The following FOXM1 variants were observed in gnomAD, a reference collection of about 807,000 sequenced individuals.
The protein encoded by FOXM1 is forkhead box protein M1.
Under a neutral mutation model 63.6 loss-of-function variants are expected in FOXM1, and 25 were observed. The observed-to-expected ratio is 0.39, with a 90% CI of 0.29 to 0.55. The LOEUF is 0.55. Among genes scored for constraint, FOXM1 ranks in the 20% least tolerant of loss-of-function variants. The pLI is 0.60. For synonymous variants in FOXM1, 387 were observed against 376.9 expected, an observed-to-expected ratio of 1.03 and a Z score of -0.31; for missense variants, 879 against 958.7, an observed-to-expected ratio of 0.92 and a Z score of 1.10.
rs903630934 is a variant in FOXM1 at position 2,859,100 on chromosome 12, G to A, written c.1830C>T (p.Ser610=). 26 of 1,606,572 alleles carry A rather than the reference G, an allele frequency of 1.6e-5. No homozygotes were observed. Among genetic ancestry groups the A allele is most frequent in the Non-Finnish European group, 2.2e-5 (26 of 1,177,274 alleles). Residue 610 remains serine, a synonymous_variant, in exon 9 of 9, where the codon TCC becomes TCT. Coordinates refer to ENST00000359843, the MANE Select transcript of FOXM1 (RefSeq NM_021953.4). ...TPIKETLPIS[S]TPSKSVLPRT... Reference sequence around the variant, plus strand: ...TGGGGAGGACAGATTTGCTCGGGGTGGAGGAGATGGGCAGCGTTTCCTTAA... The same window carrying A: ...TGGGGAGGACAGATTTGCTCGGGGTAGAGGAGATGGGCAGCGTTTCCTTAA...
Position 2,874,409 on chromosome 12 carries a change from G to A in FOXM1, c.70C>T (p.Pro24Ser). The change falls in exon 2 of 9, where the codon CCA becomes TCA. Residue 24 changes from proline (P) to serine (S), a missense_variant. Pro to Ser is a moderately conservative substitution (Grantham distance 74). This residue lies in a region of FOXM1 where 255 missense variants were observed against 292.4 expected (regional missense o/e 0.87). Coordinates refer to ENST00000359843, the MANE Select transcript of FOXM1 (RefSeq NM_021953.4). This position sits in a 1 kb window ranked among gnomAD's most constrained non-coding sequence, Gnocchi z 4.3. ...RRLPLPVQNAPSETSEEEPKR... is the reference protein window; with the variant it reads ...RRLPLPVQNASSETSEEEPKR... Reference sequence around the variant, plus strand: ...GGTTCCTCCTCTGATGTTTCACTTGGGGCATTTTGAACAGGAAGGGGCAGC... The same window carrying A: ...GGTTCCTCCTCTGATGTTTCACTTGAGGCATTTTGAACAGGAAGGGGCAGC... The A allele has an allele frequency of 6.2e-7, 1 of 1,614,020 alleles. No individual in the cohort carries two copies. Among genetic ancestry groups the A allele is most frequent in the East Asian group, 2.2e-5 (1 of 44,864 alleles).
intron 4 of FOXM1, among the ~76,000 whole-genome samples, chr12:2,867,064 A>G (rs2098124452): frequency 6.6e-6 from 1 of 152,070 alleles, no homozygotes. Context: ...GAGGCAGGGG[A>G]ATCACTTGAA....
Position 2,868,608 on chromosome 12 carries a change from C to T in FOXM1, c.801G>A (p.Glu267=). Residue 267 remains glutamate (E), a synonymous_variant, in exon 4 of 9, where the codon GAG becomes GAA. Coordinates refer to ENST00000359843, the MANE Select transcript of FOXM1 (RefSeq NM_021953.4). Reference sequence around the variant, plus strand: ...TGTGCTTAAAGTAGGGAAAGTGGTCCTCAATCCACGTATAGATGTCTTTCA... The same window carrying T: ...TGTGCTTAAAGTAGGGAAAGTGGTCTTCAATCCACGTATAGATGTCTTTCA... The part of the protein sequence containing the change: ...MTLKDIYTWI[E]DHFPYFKHIA... 6.2e-7 allele frequency: 1 copy of T among 1,613,598 alleles called. No individual in the cohort carries two copies.
At chr12:2,861,894 G>A (rs940942302) in intron 8 of FOXM1, among the ~76,000 whole-genome samples, 15 of 152,264 alleles carry the variant, frequency 9.9e-5, no homozygotes, top group African/African-American at 3.4e-4. Context: ...TTAGAGACAT[G>A]TAGAGGCTGG....
intron 8 of FOXM1, among the ~76,000 whole-genome samples, chr12:2,860,935 G>A (rs1199455868): frequency 6.6e-6 from 1 of 151,266 alleles, no homozygotes; most frequent in African/African-American, 2.4e-5. Flanking sequence ...TTGGGAGGCC[G>A]AGGTGGGTGG....
At position 2,872,305 on chromosome 12, in the gene FOXM1, TC is replaced by T; in HGVS notation, c.503-59del. 1.3e-6 allele frequency: 2 copies of T among 1,589,556 alleles called. No homozygotes were observed. Among genetic ancestry groups the T allele is most frequent in the Non-Finnish European group, 1.7e-6 (2 of 1,161,214 alleles). ...CTGCCTCATCAGATGCCCAGGTGTG[TC>T]CATCAGAATTGGTGGCTAGCAGGCC... On this transcript the variant is annotated intron_variant, in intron 2 of 8. Transcript: ENST00000359843. The surrounding 1 kb of genome is among the most constrained non-coding windows in gnomAD (Gnocchi z 4.0).
intron 8 of FOXM1, chr12:2,861,463 TAAG>T (rs2098113002): frequency 5.4e-6 from 3 of 556,920 alleles, no homozygotes; most frequent in Non-Finnish European, 6.2e-6. Flanking sequence ...TTTAAAAAAT[TAAG>T]AAGATATAAC....
chr12:2,868,479 G>A, intron 4 of FOXM1, 84 bp downstream of exon 4: 1 of 934,518 alleles, frequency 1.1e-6, no homozygotes, highest in Non-Finnish European at 1.6e-6. Flanking sequence ...CTTAACTGCT[G>A]TCCCAGATAC....
rs748580011 is a variant in FOXM1 at position 2,858,821 on chromosome 12, G to T, written c.2109C>A (p.Gly703=). The part of the protein sequence containing the change: ...SPSDIDVPKP[G]SPEPQVSGLA... ...GGCCAGAAACCTGTGGCTCCGGGGA[G>T]CCTGGCTTGGGGACGTCTATATCTG... The change falls in exon 9 of 9, where the codon GGC becomes GGA. Residue 703 remains glycine, a synonymous_variant. Transcript: ENST00000359843. The T allele has an allele frequency of 6.2e-7, 1 of 1,614,238 alleles. No individual in the cohort carries two copies.
Position 2,858,961 on chromosome 12 carries a change from T to G in FOXM1, c.1969A>C (p.Met657Leu). The G allele has an allele frequency of 1.2e-6, 2 of 1,613,558 alleles. No individual in the cohort carries two copies. Among genetic ancestry groups the G allele is most frequent in the Non-Finnish European group, 1.7e-6 (2 of 1,179,914 alleles). Residue 657 changes from methionine (M) to leucine (L), a missense_variant, in exon 9 of 9, where the codon ATG (methionine) becomes CTG (leucine). Met to Leu is a conservative substitution (Grantham distance 15, BLOSUM62 2). Coordinates refer to ENST00000359843, the MANE Select transcript of FOXM1 (RefSeq NM_021953.4). ...SDPLPDPLGL[M>L]DLSTTPLQSA... ...TGCAAGGGAGTGGTGCTGAGATCCA[T>G]CAGCCCCAGGGGGTCAGGCAAGGGG...
chr12:2,870,998 T>C (rs1459207207), intron 3 of FOXM1, among the ~76,000 whole-genome samples: 2 of 144,884 alleles, frequency 1.4e-5, no homozygotes, highest in African/African-American at 5.2e-5. Flanking sequence ...AGCTAAACAT[T>C]GAGCACACAT....
intron 1 of FOXM1, among the ~76,000 whole-genome samples, chr12:2,875,311 A>G (rs1055870854): frequency 1.3e-5 from 2 of 152,106 alleles, no homozygotes; most frequent in African/African-American, 4.8e-5. Flanking sequence ...TGATTTTTAT[A>G]TTACTTTGTA....
intron 3 of FOXM1, among the ~76,000 whole-genome samples, chr12:2,870,952 C>T (rs2098132109): frequency 1.9e-5 from 2 of 103,462 alleles, no homozygotes; most frequent in East Asian, 2.8e-4. Context: ...AGAAAGACTA[C>T]GTCTCAAAAA....
intron 8 of FOXM1, chr12:2,861,495 C>T (rs1405462988): frequency 4.4e-6 from 2 of 451,056 alleles, no homozygotes; most frequent in Non-Finnish European, 7.6e-6. Flanking sequence ...ATTAGATTGG[C>T]AGATATTAAA....
rs756264779 is a variant in FOXM1, at chr12:2,868,642, C to T, written c.767G>A (p.Arg256His). 6.2e-6 allele frequency: 10 copies of T among 1,613,906 alleles called. No homozygotes were observed. The highest frequency in any genetic ancestry group is 8.5e-6 in the Non-Finnish European group (10 of 1,179,940). Residue 256 changes from arginine (R) to histidine (H), a missense_variant, in exon 4 of 9, where the codon CGC becomes CAC. Arg to His is a conservative substitution (Grantham distance 29). Around this residue, in one of 4 missense-constraint regions of FOXM1, gnomAD observed 62 missense variants for 118.2 expected, o/e 0.52. Transcript: ENST00000359843. ...CGTATAGATGTCTTTCAAAGTCATG[C>T]GCTTCCTCTCAGTGCTGTTGATGGC... The part of the protein sequence containing the change: ...QFAINSTERK[R>H]MTLKDIYTWI...
At chr12:2,862,279 C>T (rs1603499935) in intron 8 of FOXM1, among the ~76,000 whole-genome samples, 2 of 151,686 alleles carry the variant, frequency 1.3e-5, no homozygotes. Context: ...AAATGGCTAT[C>T]GCTATACATG....
Position 2,872,292 on chromosome 12 carries a change from A to G in FOXM1, c.503-45T>C, listed in dbSNP as rs777461507. ...ACACCCCACTTAGCTGCCTCATCAGATGCCCAGGTGTGTCCATCAGAATTG... is the reference window on the plus strand; with the variant it reads ...ACACCCCACTTAGCTGCCTCATCAGGTGCCCAGGTGTGTCCATCAGAATTG... On this transcript the variant is annotated intron_variant, in intron 2 of 8. Coordinates refer to ENST00000359843, the MANE Select transcript of FOXM1 (RefSeq NM_021953.4). The surrounding 1 kb of genome is among the most constrained non-coding windows in gnomAD (Gnocchi z 4.0). The G allele has an allele frequency of 6.2e-7, 1 of 1,607,536 alleles. No homozygotes were observed. The highest frequency in any genetic ancestry group is 1.1e-5 in the South Asian group (1 of 90,768).
At position 2,864,803 on chromosome 12, in the gene FOXM1, TAA is replaced by T; in HGVS notation, c.1021-53_1021-52del. ...AGAAACCTATGTTAACACAATAAGG[TAA>T]AGAGGGGATGGCAAAACCCCACCAG... On this transcript the variant is annotated intron_variant, in intron 6 of 8. Coordinates refer to ENST00000359843, the MANE Select transcript of FOXM1 (RefSeq NM_021953.4). The surrounding 1 kb of genome is among the most constrained non-coding windows in gnomAD (Gnocchi z 5.1). 6.3e-7 allele frequency: 1 copy of T among 1,594,336 alleles called. No homozygotes were observed. Among genetic ancestry groups the T allele is most frequent in the Non-Finnish European group, 8.6e-7 (1 of 1,162,492 alleles).
intron 1 of FOXM1, chr12:2,876,371 T>C (rs2098143547): frequency 6.6e-6 from 1 of 152,208 alleles, no homozygotes; most frequent in Non-Finnish European, 1.5e-5. Context: ...AATTTTCTCT[T>C]CTACTTCCTG....
Sources: allele counts gnomAD v4.1 joint callset (sites outside exome capture counted in the v4.1 genomes callset), GRCh38; gene constraint gnomAD v4.1.1; regional missense constraint gnomAD v4.1.1; non-coding constraint Gnocchi (gnomAD v3.1); transcripts MANE v1.5; gene names NCBI Gene and HGNC (gene_info 2026-07-23, HGNC 2026-07-21).